Variants in CEP192 observed in about 807,000 individuals in gnomAD.
The protein encoded by CEP192 is centrosomal protein 192, also known as centrosomal protein of 192 kDa.
A neutral mutation model predicts 271.8 loss-of-function variants in CEP192; 151 were observed. That is an observed-to-expected ratio of 0.56 (90% CI 0.49 to 0.64). The LOEUF is 0.64. Ranked by LOEUF, CEP192 falls within the 30% of genes least tolerant of loss-of-function variation. The probability of loss-of-function intolerance (pLI) is 0.00; values close to 1 mark genes in which losing one functional copy is unlikely to be tolerated. For synonymous variants in CEP192, 995 were observed against 1,076.5 expected (o/e 0.92, Z 1.48); for missense variants, 2,910 against 3,020.5 (o/e 0.96, Z 0.86).
intron 11 of CEP192, among the ~76,000 whole-genome samples, chr18:13,033,927 A>G (rs974518688): frequency 6.6e-6 from 1 of 152,228 alleles, no homozygotes; most frequent in African/African-American, 2.4e-5. Flanking sequence ...TAGTTACTTG[A>G]ACTCAGAAAT....
chr18:13,041,140 A>G (rs1284463785), intron 14 of CEP192, among the ~76,000 whole-genome samples, 184 bp downstream of exon 14: 2 of 152,212 alleles, frequency 1.3e-5, no homozygotes, highest in African/African-American at 4.8e-5. Flanking sequence ...TAAAGTGGAA[A>G]CAAGTCAGCC....
intron 21 of CEP192, among the ~76,000 whole-genome samples, chr18:13,062,284 C>T (rs2037450334): frequency 6.6e-6 from 1 of 152,168 alleles, no homozygotes; most frequent in African/African-American, 2.4e-5. Flanking sequence ...TAGGATTTGA[C>T]TAGAGAACAA....
chr18:13,006,309 C>T (rs1000559484), intron 3 of CEP192, among the ~76,000 whole-genome samples: 12 of 151,528 alleles, frequency 7.9e-5, no homozygotes, highest in African/African-American at 2.9e-4. Context: ...TGGATGTACA[C>T]TTGACCCTTG....
At chr18:13,072,652 G>T (rs2038071028) in intron 28 of CEP192, 103 bp from the exon 29 acceptor site, 2 of 754,898 alleles carry the variant, frequency 2.6e-6, no homozygotes, top group Non-Finnish European at 4.6e-6. Context: ...TGTATAGTTA[G>T]TCCATCTCTA....
At chr18:13,112,400 ATG>A (rs990250692) in intron 40 of CEP192, among the ~76,000 whole-genome samples, 53 of 152,348 alleles carry the variant, frequency 3.5e-4, no homozygotes, top group African/African-American at 1.3e-3. Context: ...GATTCTATCT[ATG>A]TGAAATGTCT....
intron 36 of CEP192, among the ~76,000 whole-genome samples, chr18:13,098,963 T>C (rs1260999328): frequency 6.6e-6 from 1 of 152,072 alleles, no homozygotes; most frequent in Admixed American, 6.5e-5. Flanking sequence ...AGATCACTTG[T>C]GTTTAGGAGC....
rs751139900 is a variant in CEP192 at position 13,095,557 on chromosome 18, A to T, written c.6309A>T (p.Pro2103=). The T allele has an allele frequency of 1.1e-5, 18 of 1,614,074 alleles. No homozygotes were observed. Among genetic ancestry groups the T allele is most frequent in the Middle Eastern group, 3.3e-4 (2 of 6,084 alleles). Residue 2103 remains proline, a synonymous_variant, in exon 35 of 45, where the codon CCA becomes CCT. Coordinates refer to ENST00000506447, the MANE Select transcript of CEP192 (RefSeq NM_032142.4). ...HGGNVSLDVL[P]VKGPQGSPLL... Reference sequence around the variant, plus strand: ...GCAACGTCTCTTTGGATGTTTTACCAGTCAAAGGTCCTCAGGGTTCTCCTC... The same window carrying T: ...GCAACGTCTCTTTGGATGTTTTACCTGTCAAAGGTCCTCAGGGTTCTCCTC...
chr18:13,055,704 G>T, intron 18 of CEP192, 76 bp from the exon 19 acceptor site: 2 of 1,061,680 alleles, frequency 1.9e-6, no homozygotes. Flanking sequence ...TGTTACTTGA[G>T]CTTTTGCCAG....
At chr18:13,057,791 A>C in intron 20 of CEP192, 58 bp downstream of exon 20, 1 of 1,535,490 alleles carries the variant, frequency 6.5e-7, no homozygotes, top group African/African-American at 1.4e-5. Context: ...TAGGTGCTTG[A>C]TTTCCCCCAT....
chr18:13,006,220 C>T (rs2033971655), intron 3 of CEP192, among the ~76,000 whole-genome samples: 1 of 151,308 alleles, frequency 6.6e-6, no homozygotes, highest in Non-Finnish European at 1.5e-5. Flanking sequence ...TTTTCTCATG[C>T]TCATTAAATC....
chr18:13,052,405 T>A (rs772524492), intron 17 of CEP192, among the ~76,000 whole-genome samples: 2 of 152,222 alleles, frequency 1.3e-5, no homozygotes, highest in Non-Finnish European at 2.9e-5. Context: ...TTTTGTGAAG[T>A]CTTTATATTT....
chr18:13,036,373 A>T (rs530158526), intron 11 of CEP192, among the ~76,000 whole-genome samples: 1 of 152,148 alleles, frequency 6.6e-6, no homozygotes, highest in East Asian at 1.9e-4. Context: ...TCCCTCATGG[A>T]CACATGATAG....
intron 27 of CEP192, among the ~76,000 whole-genome samples, 169 bp downstream of exon 27, chr18:13,070,025 G>C (rs2037928300): frequency 6.6e-6 from 1 of 152,114 alleles, no homozygotes; most frequent in Non-Finnish European, 1.5e-5. Context: ...GCAGGGCTTG[G>C]TGGTGTGCAC....
intron 1 of CEP192, among the ~76,000 whole-genome samples, chr18:12,991,990 T>C (rs924711380): frequency 6.6e-6 from 1 of 152,230 alleles, no homozygotes; most frequent in Non-Finnish European, 1.5e-5. Context: ...TTATTCCTAA[T>C]AGTTTACCTA....
chr18:13,054,999 C>T (rs138057138), intron 18 of CEP192, among the ~76,000 whole-genome samples: 5 of 152,136 alleles, frequency 3.3e-5, no homozygotes, highest in African/African-American at 1.2e-4. Context: ...CATCTTTGGC[C>T]GGGTGTGGTG....
Position 13,020,651 on chromosome 18 carries a change from A to G in CEP192, c.1050+1445A>G, listed in dbSNP as rs79764000. On this transcript the variant is annotated intron_variant, in intron 9 of 44. Coordinates refer to ENST00000506447, the MANE Select transcript of CEP192 (RefSeq NM_032142.4). ...GTGTTTAATGTTTTGAGGAACTGCC[A>G]TAGTGTTTTTCACAGCAGCTGCACC... Among the ~76,000 whole-genome samples, 1,429 of 152,326 alleles carry G rather than the reference A, an allele frequency of 9.4e-3. 22 individuals carry two copies. The highest frequency in any genetic ancestry group is 0.032 in the African/African-American group (1,312 of 41,578).
rs564381137 is a variant in CEP192 at position 13,031,489 on chromosome 18, T to C, written c.1534+881T>C. Among the ~76,000 whole-genome samples the C allele has an allele frequency of 5.8e-3, 883 of 152,152 alleles. 13 individuals carry two copies. The highest frequency in any genetic ancestry group is 0.02 in the African/African-American group (841 of 41,534). The stretch of plus-strand genomic sequence containing the variant: ...GTCTCGATCTCCTGACCTCGTGATC[T>C]GCCCGCCTCGGCCTCCCAAAGTGCT... On this transcript the variant is annotated intron_variant, in intron 11 of 44. Coordinates refer to ENST00000506447, the MANE Select transcript of CEP192 (RefSeq NM_032142.4).
At chr18:13,068,033 G>C (rs904714234) in intron 22 of CEP192, 61 bp from the exon 23 acceptor site, 1 of 1,602,526 alleles carries the variant, frequency 6.2e-7, no homozygotes, top group East Asian at 2.2e-5. Flanking sequence ...TAAGGATTTT[G>C]TTAGCAAACT....
intron 15 of CEP192, among the ~76,000 whole-genome samples, chr18:13,046,528 A>G (rs917673214): frequency 6.6e-6 from 1 of 151,520 alleles, no homozygotes; most frequent in Non-Finnish European, 1.5e-5. Context: ...TATGATTCCA[A>G]TTTTCTCCTC....
Sources: gnomAD v4.1 joint callset for allele counts (sites outside exome capture counted in the v4.1 genomes callset) on GRCh38, gnomAD v4.1.1 for gene constraint, MANE v1.5 for transcripts, NCBI Gene and HGNC (gene_info 2026-07-23, HGNC 2026-07-21) for gene names.